Variants in TANC2 observed in about 807,000 individuals in gnomAD.
TANC2 encodes tetratricopeptide repeat, ankyrin repeat and coiled-coil containing 2, also known as protein TANC2.
In TANC2, 26 loss-of-function variants were observed where a neutral mutation model predicts 210.5. The ratio of observed to expected loss-of-function variants is 0.12; its 90% CI spans 0.09 to 0.17. The LOEUF is 0.17. TANC2 is among the 10% of genes least tolerant of loss of function. TANC2 has a pLI of 1.00. For missense variants in TANC2, 2,129 were observed against 2,608.9 expected (o/e 0.82, Z 4.01); for synonymous variants, 931 against 967.1 (o/e 0.96, Z 0.69).
At position 63,350,455 on chromosome 17, in the gene TANC2, G is replaced by T. The variant is rs572221657; in HGVS notation, c.1808-795G>T. On this transcript the variant is annotated intron_variant, in intron 12 of 27. Transcript: ENST00000689528. ...CCAAGAATCAATAAGCATTTATCAA[G>T]TGCAGAAGCCTGAAATTTTCCCAAG... 6.6e-5 allele frequency among the ~76,000 whole-genome samples: 10 copies of T among 152,290 alleles called. 1 individual carries two copies. In the South Asian group the frequency reaches 1.4e-3, roughly 22 times the overall value.
intron 3 of TANC2, among the ~76,000 whole-genome samples, chr17:63,090,707 C>T (rs1293461190): frequency 2.0e-5 from 3 of 152,102 alleles, no homozygotes; most frequent in African/African-American, 4.8e-5. Flanking sequence ...ATTTATAATC[C>T]TTTGGGTATA....
chr17:63,264,184 C>T (rs1291503392), intron 8 of TANC2, among the ~76,000 whole-genome samples: 3 of 152,170 alleles, frequency 2.0e-5, no homozygotes, highest in Non-Finnish European at 4.4e-5. Context: ...TAAATCCTTC[C>T]TTGTATCACA....
intron 11 of TANC2, among the ~76,000 whole-genome samples, chr17:63,323,628 G>A (rs1300101759): frequency 6.6e-6 from 1 of 152,084 alleles, no homozygotes; most frequent in East Asian, 1.9e-4. Flanking sequence ...TTTATGGAAG[G>A]CTTAATGTGT....
chr17:63,337,073 CAG>C (rs764260841), intron 11 of TANC2, among the ~76,000 whole-genome samples: 5 of 152,140 alleles, frequency 3.3e-5, no homozygotes, highest in Admixed American at 1.3e-4. Context: ...GAGGAAGTAA[CAG>C]ATGTTTTTGA....
chr17:63,284,087 T>C (rs1204920085), intron 9 of TANC2, among the ~76,000 whole-genome samples: 2 of 152,054 alleles, frequency 1.3e-5, no homozygotes, highest in African/African-American at 4.8e-5. Context: ...TATGTCAATA[T>C]GTTCTCCATA....
chr17:63,342,785 A>AG (rs997982859), intron 12 of TANC2, among the ~76,000 whole-genome samples: 81 of 151,960 alleles, frequency 5.3e-4, no homozygotes, highest in African/African-American at 1.7e-3. Context: ...CAAAAAAAAA[A>AG]GAAAAGAAGG....
At chr17:63,380,098 T>C (rs2047557440) in intron 15 of TANC2, among the ~76,000 whole-genome samples, 1 of 152,220 alleles carries the variant, frequency 6.6e-6, no homozygotes, top group South Asian at 2.1e-4. Context: ...GCTCCATACA[T>C]GACCTATCAT....
At chr17:63,072,398 G>A (rs1410637436) in intron 2 of TANC2, among the ~76,000 whole-genome samples, 1 of 152,056 alleles carries the variant, frequency 6.6e-6, no homozygotes, top group African/African-American at 2.4e-5. Flanking sequence ...TAATCCATGA[G>A]TAGATTTTTG....
intron 9 of TANC2, among the ~76,000 whole-genome samples, chr17:63,286,301 T>TTATTCACTA (rs1167838927): frequency 1.3e-5 from 2 of 152,236 alleles, no homozygotes; most frequent in Non-Finnish European, 2.9e-5. Flanking sequence ...AGTGATTAAT[T>TTATTCACTA]TATTCAGCCT....
intron 4 of TANC2, among the ~76,000 whole-genome samples, chr17:63,142,979 C>T (rs1567759164): frequency 6.6e-6 from 1 of 152,034 alleles, no homozygotes; most frequent in Non-Finnish European, 1.5e-5. Context: ...CTGTCTTACC[C>T]CCTCATTAAG....
chr17:63,294,638 G>A (rs1309580735), intron 9 of TANC2, among the ~76,000 whole-genome samples: 1 of 152,080 alleles, frequency 6.6e-6, no homozygotes, highest in Non-Finnish European at 1.5e-5. Context: ...CCACCAACTT[G>A]ATTTCATCAT....
At chr17:63,294,258 G>T (rs1442755361) in intron 9 of TANC2, among the ~76,000 whole-genome samples, 1 of 152,084 alleles carries the variant, frequency 6.6e-6, no homozygotes, top group African/African-American at 2.4e-5. Context: ...CTGGCAGATT[G>T]CTTCAGTTCA....
chr17:63,029,809 G>A (rs1353519300), intron 2 of TANC2, among the ~76,000 whole-genome samples: 1 of 152,136 alleles, frequency 6.6e-6, no homozygotes, highest in Non-Finnish European at 1.5e-5. Context: ...GGGAGGAGAG[G>A]AGAATGCAAG....
intron 5 of TANC2, among the ~76,000 whole-genome samples, chr17:63,170,036 G>A (rs922288307): frequency 4.6e-5 from 7 of 151,158 alleles, no homozygotes; most frequent in East Asian, 3.9e-4. Context: ...GGAGAATGGC[G>A]TGAACCCAGG....
chr17:63,306,949 A>T lies in TANC2; in HGVS notation c.1160-7439A>T, dbSNP rs75157774. 4.2e-3 allele frequency among the ~76,000 whole-genome samples: 630 copies of T among 151,568 alleles called. 6 individuals are homozygous for T. Among genetic ancestry groups the T allele is most frequent in the African/African-American group, 0.013 (538 of 41,328 alleles). ...GCAACAGAACAAGACCATGTCTCTT[A>T]AAAAAAAATGATGAGCAGTAGGGAA... is the stretch of plus-strand genomic sequence containing the variant. On this transcript the variant is annotated intron_variant, in intron 9 of 27. Transcript: ENST00000689528.
intron 7 of TANC2, among the ~76,000 whole-genome samples, chr17:63,209,527 G>A (rs539722588): frequency 1.3e-4 from 20 of 152,194 alleles, no homozygotes; most frequent in Non-Finnish European, 1.9e-4. Context: ...TCCACCTCCC[G>A]AGTTCAAGTG....
chr17:63,171,074 T>C (rs2040387736), intron 5 of TANC2, among the ~76,000 whole-genome samples: 1 of 142,348 alleles, frequency 7.0e-6, no homozygotes, highest in Admixed American at 7.2e-5. Context: ...CCCAAATGTA[T>C]TTCTTTCTTT....
At chr17:63,343,303 A>G (rs747300637) in intron 12 of TANC2, among the ~76,000 whole-genome samples, 24 of 152,258 alleles carry the variant, frequency 1.6e-4, no homozygotes, top group Non-Finnish European at 2.8e-4. Context: ...TGACTATAGT[A>G]ATCTCAGACA....
At chr17:63,097,799 G>T (rs76309273) in intron 3 of TANC2, among the ~76,000 whole-genome samples, 103 of 152,102 alleles carry the variant, frequency 6.8e-4, no homozygotes, top group African/African-American at 2.4e-3. Context: ...TAATTTTGAT[G>T]AAATCCAATT....
Sources: allele counts gnomAD v4.1 joint callset (sites outside exome capture counted in the v4.1 genomes callset), GRCh38; gene constraint gnomAD v4.1.1; transcripts MANE v1.5; gene names NCBI Gene and HGNC (gene_info 2026-07-23, HGNC 2026-07-21).